BTBD16: variants seen among roughly 807,000 people sequenced by gnomAD.
BTBD16 encodes the protein BTB domain containing 16.
In BTBD16, 66 loss-of-function variants were observed where a neutral mutation model predicts 67.4. The observed-to-expected ratio is 0.98, with a 90% CI of 0.80 to 1.20. The LOEUF (loss-of-function observed/expected upper bound fraction) is 1.20. Among genes scored for constraint, BTBD16 ranks in the 50% most tolerant of loss-of-function variants. BTBD16 has a pLI of 0.00. For synonymous variants in BTBD16, 242 were observed against 236.4 expected (o/e 1.02, Z -0.22); for missense variants, 634 against 616.0 (o/e 1.03, Z -0.31).
At chr10:122,313,421 C>G (rs2096417875) in intron 10 of BTBD16, among the ~76,000 whole-genome samples, 1 of 151,636 alleles carries the variant, frequency 6.6e-6, no homozygotes, top group South Asian at 2.1e-4. Flanking sequence ...CGTGCCACCA[C>G]ACCTCGCTAC....
In BTBD16 at chr10:122,273,935, G is replaced by A. The variant is rs567617832; in HGVS notation, c.-42-1105G>A. On this transcript the variant is annotated intron_variant, in intron 1 of 15. Coordinates refer to ENST00000260723, the MANE Select transcript of BTBD16 (RefSeq NM_144587.5). Reference sequence around the variant, plus strand: ...ATGGAAATTCTATGAGGCAAGGATCGTGTGCATTTTGCTCACTGCTGTCTC... The same window carrying A: ...ATGGAAATTCTATGAGGCAAGGATCATGTGCATTTTGCTCACTGCTGTCTC... Among the ~76,000 whole-genome samples the A allele has an allele frequency of 1.8e-4, 28 of 152,344 alleles. No individual in the cohort carries two copies. The South Asian group carries it at 1.9e-3, about 10-fold the overall frequency.
chr10:122,334,391 T>C (rs1565036516), intron 13 of BTBD16, among the ~76,000 whole-genome samples: 3 of 149,726 alleles, frequency 2.0e-5, no homozygotes, highest in Admixed American at 2.0e-4. Context: ...GAGACGAGGT[T>C]TCACCATGTT....
intron 10 of BTBD16, among the ~76,000 whole-genome samples, chr10:122,312,034 G>T (rs2096414607): frequency 6.6e-6 from 1 of 152,176 alleles, no homozygotes; most frequent in African/African-American, 2.4e-5. Context: ...GATGTTGGTG[G>T]ACATGTTCAG....
chr10:122,298,901 G>T (rs2096388531), intron 8 of BTBD16, 103 bp from the exon 9 acceptor site: 1 of 1,480,856 alleles, frequency 6.8e-7, no homozygotes, highest in African/African-American at 1.4e-5. Context: ...GAGCGCCTCT[G>T]CAGTGACTCT....
Position 122,275,063 on chromosome 10 carries a change from G to T in BTBD16, c.-19G>T, listed in dbSNP as rs148578895. ...AGGTTGCTTGTCTTTTCTCTCCTGC[G>T]TAATTTCCACTTTCATTCATGATAA... On this transcript the variant is annotated 5_prime_UTR_variant, in exon 2 of 16. Transcript: ENST00000260723. 1,656 of 1,613,454 alleles carry T rather than the reference G, an allele frequency of 1.0e-3. 13 individuals are homozygous for T. In the African/African-American group the frequency reaches 0.019, roughly 19 times the overall value.
intron 10 of BTBD16, chr10:122,327,535 T>A: frequency 1.0e-6 from 1 of 960,516 alleles, no homozygotes; most frequent in Non-Finnish European, 1.2e-6. Context: ...GGACTGTGGC[T>A]GGCTGGGCTG....
intron 7 of BTBD16, among the ~76,000 whole-genome samples, chr10:122,292,480 G>A (rs190571533): frequency 1.1e-4 from 16 of 152,370 alleles, no homozygotes; most frequent in African/African-American, 3.8e-4. Context: ...AGGTCAGGGG[G>A]CCCCAGAGCC....
In BTBD16 at chr10:122,327,549, CG is replaced by C. The variant is rs1011441424; in HGVS notation, c.912-1928del. On this transcript the variant is annotated intron_variant, in intron 10 of 15. Transcript: ENST00000260723. ...AGGACTGTGGCTGGCTGGGCTGGGACGGGACCCTGGTCTGCCTGCCTCGGGG... is the reference window on the plus strand; with the variant it reads ...AGGACTGTGGCTGGCTGGGCTGGGACGGACCCTGGTCTGCCTGCCTCGGGG... 90 of 980,848 alleles carry C rather than the reference CG, an allele frequency of 9.2e-5. No individual in the cohort carries two copies. In the African/African-American group the frequency reaches 1.5e-3, roughly 17 times the overall value. 60.8% of individuals were successfully genotyped at this position (980,848 alleles called of 1,614,324 possible). A position where few individuals can be genotyped will look rare whatever the true frequency, so the allele number is the denominator to read the frequency against.
intron 13 of BTBD16, chr10:122,332,837 T>A: frequency 2.0e-6 from 2 of 985,400 alleles, no homozygotes; most frequent in African/African-American, 1.7e-5. Context: ...GAAGGGTTGG[T>A]CTTTCTATTT....
chr10:122,319,466 A>G (rs2096431969), intron 10 of BTBD16, among the ~76,000 whole-genome samples: 1 of 152,146 alleles, frequency 6.6e-6, no homozygotes, highest in African/African-American at 2.4e-5. Flanking sequence ...ATTCAGTATG[A>G]TGTGTTGAAA....
At chr10:122,288,879 G>A (rs374885743) in intron 5 of BTBD16, among the ~76,000 whole-genome samples, 1 of 152,162 alleles carries the variant, frequency 6.6e-6, no homozygotes, top group Non-Finnish European at 1.5e-5. Flanking sequence ...TGGGCAGAGC[G>A]GTGGGCAGGG....
chr10:122,331,287 T>G, intron 12 of BTBD16, 29 bp downstream of exon 12: 1 of 1,603,444 alleles, frequency 6.2e-7, no homozygotes, highest in Non-Finnish European at 8.5e-7. Context: ...AAGGACACAG[T>G]TGTCGAAGTT....
intron 4 of BTBD16, among the ~76,000 whole-genome samples, chr10:122,285,056 C>T (rs2096360987): frequency 6.6e-6 from 1 of 152,150 alleles, no homozygotes; most frequent in African/African-American, 2.4e-5. Flanking sequence ...AATATCATAA[C>T]ATGGGTGAAT....
intron 7 of BTBD16, chr10:122,295,439 G>T: frequency 1.0e-6 from 1 of 985,466 alleles, no homozygotes; most frequent in Non-Finnish European, 1.2e-6. Flanking sequence ...ACATGAGCAG[G>T]TCTTGGTTCA....
At position 122,313,897 on chromosome 10, in the gene BTBD16, C is replaced by G. The variant is rs147145464; in HGVS notation, c.911+6589C>G. Among the ~76,000 whole-genome samples, 476 of 152,312 alleles carry G rather than the reference C, an allele frequency of 3.1e-3. 6 individuals carry two copies. Among genetic ancestry groups the G allele is most frequent in the African/African-American group, 9.9e-3 (410 of 41,568 alleles). Reference sequence around the variant, plus strand: ...GACATATACATCATTTTTAGTATCTCTATTCTGTGCCATTAGTCTTGTCTA... The same window carrying G: ...GACATATACATCATTTTTAGTATCTGTATTCTGTGCCATTAGTCTTGTCTA... On this transcript the variant is annotated intron_variant, in intron 10 of 15. Transcript: ENST00000260723.
At chr10:122,283,987 C>G (rs2096358339) in intron 4 of BTBD16, 63 bp downstream of exon 4, 1 of 1,295,950 alleles carries the variant, frequency 7.7e-7, no homozygotes. Context: ...ATCTTGTGGT[C>G]TTTATGGAAG....
At chr10:122,332,642 C>T (rs990172281) in intron 13 of BTBD16, 129 bp downstream of exon 13, 1 of 1,059,602 alleles carries the variant, frequency 9.4e-7, no homozygotes, top group Non-Finnish European at 1.3e-6. Flanking sequence ...GAGAGAACCA[C>T]AGGTGTCTCT....
chr10:122,299,158 G>A (rs765107794), intron 9 of BTBD16, 24 bp downstream of exon 9: 4 of 1,611,026 alleles, frequency 2.5e-6, no homozygotes, highest in Non-Finnish European at 3.4e-6. Context: ...CCCAGGGTGC[G>A]GCCCCTGAGA....
intron 10 of BTBD16, among the ~76,000 whole-genome samples, chr10:122,318,456 T>C (rs1049844183): frequency 6.6e-6 from 1 of 152,218 alleles, no homozygotes; most frequent in African/African-American, 2.4e-5. Flanking sequence ...TACAAGTCTG[T>C]ATGGGAGAAT....
Sources: gnomAD v4.1 joint callset for allele counts (sites outside exome capture counted in the v4.1 genomes callset) on GRCh38, gnomAD v4.1.1 for gene constraint, MANE v1.5 for transcripts, NCBI Gene and HGNC (gene_info 2026-07-23, HGNC 2026-07-21) for gene names.